Variants in HDAC9 observed in about 807,000 individuals in gnomAD.
HDAC9 encodes the protein histone deacetylase 9, also known as MEF-2 interacting transcription repressor (MITR) protein.
A neutral mutation model predicts 139.4 loss-of-function variants in HDAC9; 41 were observed. The ratio of observed to expected loss-of-function variants is 0.29; its 90% CI spans 0.23 to 0.38. The LOEUF (loss-of-function observed/expected upper bound fraction) is 0.38. HDAC9 is among the 10% of genes least tolerant of loss of function. The pLI, the probability that HDAC9 is intolerant of heterozygous loss-of-function variation, is 1.00. For missense variants in HDAC9, 1,147 were observed against 1,297.0 expected, an observed-to-expected ratio of 0.88 and a Z score of 1.78; for synonymous variants, 517 against 476.2, an observed-to-expected ratio of 1.09 and a Z score of -1.12.
chr7:18,383,906 AAAAG>A (rs553296038), intron 1 of HDAC9, among the ~76,000 whole-genome samples: 40 of 152,150 alleles, frequency 2.6e-4, no homozygotes, highest in Non-Finnish European at 4.7e-4. Flanking sequence ...AAAAAAAAAA[AAAAG>A]AAAGAACTGA....
At chr7:18,358,604 A>G (rs953686921) in intron 1 of HDAC9, among the ~76,000 whole-genome samples, 2 of 151,918 alleles carry the variant, frequency 1.3e-5, no homozygotes, top group African/African-American at 2.4e-5. Flanking sequence ...GAGAACATGA[A>G]GAACTTGATA....
At chr7:18,230,615 G>C (rs1343558424) in intron 2 of HDAC9, among the ~76,000 whole-genome samples, 1 of 152,258 alleles carries the variant, frequency 6.6e-6, no homozygotes, top group Non-Finnish European at 1.5e-5. Flanking sequence ...TGCTCAGTCT[G>C]GGTTTTGGGA....
At chr7:18,782,834 A>AT (rs1477647284) in intron 16 of HDAC9, among the ~76,000 whole-genome samples, 2 of 151,874 alleles carry the variant, frequency 1.3e-5, no homozygotes, top group African/African-American at 4.8e-5. Flanking sequence ...GTATTATTCC[A>AT]TTTTTCTTAG....
intron 1 of HDAC9, among the ~76,000 whole-genome samples, chr7:18,439,450 A>G (rs1791534433): frequency 6.6e-6 from 1 of 152,196 alleles, no homozygotes; most frequent in Non-Finnish European, 1.5e-5. Context: ...TCACTTAGGT[A>G]AAGACTCAAG....
chr7:18,431,477 C>A (rs1449882113), intron 1 of HDAC9, among the ~76,000 whole-genome samples: 1 of 152,128 alleles, frequency 6.6e-6, no homozygotes, highest in Non-Finnish European at 1.5e-5. Context: ...TTGATACCAA[C>A]CAAAATCTGT....
intron 2 of HDAC9, among the ~76,000 whole-genome samples, chr7:18,188,231 A>G (rs925305807): frequency 6.6e-6 from 1 of 152,214 alleles, no homozygotes. Context: ...CAAAACTGAC[A>G]AAAACAAGCA....
intron 16 of HDAC9, 61 bp downstream of exon 16, chr7:18,767,216 T>C: frequency 1.0e-6 from 1 of 961,040 alleles, no homozygotes; most frequent in Non-Finnish European, 1.5e-6. Context: ...AAATCTTTTT[T>C]GATTTATCTA....
At chr7:18,644,571 T>C (rs1025873758) in intron 8 of HDAC9, 100 bp from the exon 9 acceptor site, 25 of 901,822 alleles carry the variant, frequency 2.8e-5, no homozygotes, top group Non-Finnish European at 3.8e-5. Flanking sequence ...ACTTAAAATC[T>C]TTTCTTAATT....
At chr7:18,626,632 G>T (rs754472252) in intron 6 of HDAC9, among the ~76,000 whole-genome samples, 8 of 152,150 alleles carry the variant, frequency 5.3e-5, no homozygotes, top group Non-Finnish European at 8.8e-5. Context: ...ATTTTAGTAG[G>T]TGGTAGATAC....
At chr7:18,643,166 G>T (rs1406280483) in intron 8 of HDAC9, among the ~76,000 whole-genome samples, 1 of 151,976 alleles carries the variant, frequency 6.6e-6, no homozygotes, top group Non-Finnish European at 1.5e-5. Context: ...CTTATTATTT[G>T]TATGAGTAAA....
At chr7:18,513,659 G>C (rs115484767) in intron 2 of HDAC9, among the ~76,000 whole-genome samples, 1 of 152,146 alleles carries the variant, frequency 6.6e-6, no homozygotes, top group African/African-American at 2.4e-5. Flanking sequence ...TTTTCAGGAG[G>C]TTTAGCCAAA....
chr7:18,645,308 A>T (rs975985347), intron 9 of HDAC9, among the ~76,000 whole-genome samples: 14 of 152,194 alleles, frequency 9.2e-5, no homozygotes, highest in Admixed American at 3.9e-4. Context: ...ACTCTCTGGT[A>T]CTGGCGAATA....
intron 2 of HDAC9, among the ~76,000 whole-genome samples, chr7:18,553,352 A>G (rs111926660): frequency 1.3e-5 from 2 of 152,124 alleles, no homozygotes; most frequent in East Asian, 3.8e-4. Flanking sequence ...TTCCCCCCTC[A>G]AGAACACTGT....
chr7:18,898,457 T>C, intron 22 of HDAC9, among the ~76,000 whole-genome samples: 1 of 151,946 alleles, frequency 6.6e-6, no homozygotes, highest in Middle Eastern at 3.2e-3. Flanking sequence ...GGCCTCATGT[T>C]AATAGTGTTT....
intron 1 of HDAC9, among the ~76,000 whole-genome samples, chr7:18,383,285 T>G (rs987278470): frequency 9.2e-5 from 14 of 152,212 alleles, no homozygotes; most frequent in African/African-American, 2.7e-4. Flanking sequence ...CACAGTTACC[T>G]TCTTTCCCCA....
At chr7:18,334,619 A>G (rs1193008566) in intron 1 of HDAC9, among the ~76,000 whole-genome samples, 1 of 151,550 alleles carries the variant, frequency 6.6e-6, no homozygotes, top group Admixed American at 6.6e-5. Context: ...ACATACGTTT[A>G]TATCCATTAT....
intron 24 of HDAC9, among the ~76,000 whole-genome samples, chr7:18,961,817 G>A (rs1388935149): frequency 6.6e-6 from 1 of 152,242 alleles, no homozygotes; most frequent in Non-Finnish European, 1.5e-5. Context: ...CAGCTAATGA[G>A]TGGGCAAAAG....
intron 12 of HDAC9, among the ~76,000 whole-genome samples, chr7:18,726,240 C>T (rs1429810189): frequency 6.6e-6 from 1 of 152,134 alleles, no homozygotes; most frequent in East Asian, 1.9e-4. Flanking sequence ...TGTTAGCTTT[C>T]TCAGTAAGTT....
intron 1 of HDAC9, among the ~76,000 whole-genome samples, chr7:18,092,453 G>A (rs1782231334): frequency 6.7e-6 from 1 of 148,650 alleles, no homozygotes; most frequent in Non-Finnish European, 1.5e-5. Flanking sequence ...ACCTGACTTT[G>A]AAGCCACTCA....
Sources: allele counts gnomAD v4.1 joint callset (sites outside exome capture counted in the v4.1 genomes callset), GRCh38; gene constraint gnomAD v4.1.1; transcripts MANE v1.5; gene names NCBI Gene and HGNC (gene_info 2026-07-23, HGNC 2026-07-21).